The following AQP2 variants were observed in gnomAD, a reference collection of about 807,000 sequenced individuals.
The protein encoded by AQP2 is aquaporin 2, also known as aquaporin-2.
In AQP2, 20 loss-of-function variants were observed where a neutral mutation model predicts 21.6. That is an observed-to-expected ratio of 0.92 (90% CI 0.65 to 1.34). The LOEUF is 1.34. Ranked by LOEUF, AQP2 falls within the 40% of genes most tolerant of loss-of-function variation. The probability of loss-of-function intolerance (pLI) is 0.00; values close to 1 mark genes in which losing one functional copy is unlikely to be tolerated. For missense variants in AQP2, 325 were observed against 363.4 expected (o/e 0.89, Z 0.86); for synonymous variants, 168 against 166.9 (o/e 1.01, Z -0.05).
rs267603499 is a variant in AQP2, at chr12:49,951,075, C to T, written c.245C>T (p.Ser82Phe). The T allele has an allele frequency of 6.2e-7, 1 of 1,611,760 alleles. No individual in the cohort carries two copies. Among genetic ancestry groups the T allele is most frequent in the Non-Finnish European group, 8.5e-7 (1 of 1,178,268 alleles). The change falls in exon 1 of 4, where the codon TCC (serine) becomes TTC (phenylalanine). Residue 82 changes from serine (S) to phenylalanine (F), a missense_variant. Transcript: ENST00000199280. ...GCCTGCCTGGTGGGCTGCCACGTCT[C>T]CGTTCTCCGAGCCGCCTTCTACGTG... ...TVACLVGCHV[S>F]VLRAAFYVAA...
At position 49,955,390 on chromosome 12, in the gene AQP2, C is replaced by T. The variant is rs543609250; in HGVS notation, c.607-9C>T. On this transcript the variant is annotated splice_polypyrimidine_tract_variant and intron_variant, in intron 3 of 3. Coordinates refer to ENST00000199280, the MANE Select transcript of AQP2 (RefSeq NM_000486.6). ...CGGGTGCCAAGCCGCCCTCTCCGCT[C>T]GCCCCCAGGTCTTCTGGATCGGACC... The T allele has an allele frequency of 1.9e-6, 3 of 1,610,690 alleles. No individual in the cohort carries two copies. Among genetic ancestry groups the T allele is most frequent in the Admixed American group, 1.7e-5 (1 of 59,940 alleles).
chr12:49,952,255 C>T (rs993683282), intron 1 of AQP2, among the ~76,000 whole-genome samples: 2 of 152,072 alleles, frequency 1.3e-5, no homozygotes, highest in African/African-American at 2.4e-5. Context: ...CATGGGATTA[C>T]ACGCCTGTAA....
rs1354952791 is a variant in AQP2 at position 49,950,973 on chromosome 12, TTGG to T, written c.144_146del (p.Gly49del). The T allele has an allele frequency of 1.2e-6, 2 of 1,614,204 alleles. No homozygotes were observed. Among genetic ancestry groups the T allele is most frequent in the Non-Finnish European group, 1.7e-6 (2 of 1,180,032 alleles). ...TCTGTGCTACAGATTGCCATGGCGTTTGGCTTGGGTATTGGCACCCTGGTACAG... is the reference window on the plus strand; with the variant it reads ...TCTGTGCTACAGATTGCCATGGCGTTCTTGGGTATTGGCACCCTGGTACAG... On this transcript the variant is annotated inframe_deletion, in exon 1 of 4. Coordinates refer to ENST00000199280, the MANE Select transcript of AQP2 (RefSeq NM_000486.6).
intron 1 of AQP2, among the ~76,000 whole-genome samples, chr12:49,953,347 G>C (rs1401224919): frequency 6.6e-6 from 1 of 152,216 alleles, no homozygotes; most frequent in Non-Finnish European, 1.5e-5. Context: ...GCAGGGTGTA[G>C]GGTACAGGGT....
At chr12:49,954,408 C>T in intron 2 of AQP2, 89 bp downstream of exon 2, 1 of 1,433,822 alleles carries the variant, frequency 7.0e-7, no homozygotes, top group Non-Finnish European at 9.6e-7. Context: ...AAGAGGGACA[C>T]ATACACAGAA....
chr12:49,954,803 G>A (rs1444067560), intron 3 of AQP2, 93 bp downstream of exon 3: 5 of 1,426,156 alleles, frequency 3.5e-6, no homozygotes, highest in Non-Finnish European at 4.9e-6. Flanking sequence ...GGGCTCAGCA[G>A]CGGTACCCCA....
intron 2 of AQP2, 97 bp downstream of exon 2, chr12:49,954,416 G>GAACTCTCA: frequency 2.9e-6 from 4 of 1,396,398 alleles, no homozygotes; most frequent in Non-Finnish European, 4.0e-6. Context: ...CACATACACA[G>GAACTCTCA]AACTCTCAAG....
In AQP2 at chr12:49,957,725, G is replaced by A. The variant is rs1947383000; in HGVS notation, c.*2117G>A. ...GCCTCACTACCAGAAGAAGGGTGGA[G>A]TCAGAAACCAAAGTGACCTCCAGAG... is the stretch of plus-strand genomic sequence containing the variant. On this transcript the variant is annotated 3_prime_UTR_variant, in exon 4 of 4. Transcript: ENST00000199280. The A allele has an allele frequency of 6.6e-6, 1 of 152,264 alleles. No individual in the cohort carries two copies. The highest frequency in any genetic ancestry group is 6.5e-5 in the Admixed American group (1 of 15,288). 9.4% of individuals were successfully genotyped at this position (152,264 alleles called of 1,614,324 possible).
rs1947362068 is a variant in AQP2, at chr12:49,955,568, T to C, written c.776T>C (p.Leu259Pro). 6.3e-7 allele frequency: 1 copy of C among 1,593,752 alleles called. No homozygotes were observed. Among genetic ancestry groups the C allele is most frequent in the Non-Finnish European group, 8.5e-7 (1 of 1,173,510 alleles). ...REVRRRQSVELHSPQSLPRGT... is the reference protein window; with the variant it reads ...REVRRRQSVEPHSPQSLPRGT... ...GTGCGACGGCGGCAGTCGGTGGAGC[T>C]GCACTCGCCGCAGAGCCTGCCACGG... The change falls in exon 4 of 4, where the codon CTG becomes CCG. Residue 259 changes from leucine to proline, a missense_variant. Leu to Pro is a moderately conservative substitution (Grantham distance 98, BLOSUM62 -3). Coordinates refer to ENST00000199280, the MANE Select transcript of AQP2 (RefSeq NM_000486.6).
At position 49,951,646 on chromosome 12, in the gene AQP2, G is replaced by A. The variant is rs150870008; in HGVS notation, c.360+456G>A. 1.1e-3 allele frequency: 188 copies of A among 165,936 alleles called. 3 individuals carry two copies. In the East Asian group the frequency reaches 0.027, roughly 24 times the overall value. 10.3% of individuals were successfully genotyped at this position (165,936 alleles called of 1,614,324 possible). A position where few individuals can be genotyped will look rare whatever the true frequency, so the allele number is the denominator to read the frequency against. On this transcript the variant is annotated intron_variant, in intron 1 of 3. Coordinates refer to ENST00000199280, the MANE Select transcript of AQP2 (RefSeq NM_000486.6). ...GTCCCGTGGCAGGTGCTCCTTACAG[G>A]CCAGGCACGGACACACCACAGCCCT...
In AQP2 at chr12:49,957,962, A is replaced by G. The variant is rs1592818243; in HGVS notation, c.*2354A>G. 1 of 152,116 alleles carries G rather than the reference A, an allele frequency of 6.6e-6. No homozygotes were observed. The highest frequency in any genetic ancestry group is 2.4e-5 in the African/African-American group (1 of 41,410). The allele number at this position is 152,116 out of a possible 1,614,324, so 9.4% of individuals were successfully genotyped here. A position where few individuals can be genotyped will look rare whatever the true frequency, so the allele number is the denominator to read the frequency against. ...AAAAACTAAATGTGAAATCCCTACC[A>G]TTTCTAGCCTCTATTGCCCAGATTG... On this transcript the variant is annotated 3_prime_UTR_variant, in exon 4 of 4. Transcript: ENST00000199280.
Position 49,954,661 on chromosome 12 carries a change from C to T in AQP2, c.557C>T (p.Ala186Val), listed in dbSNP as rs1947353588. 1.2e-6 allele frequency: 2 copies of T among 1,614,106 alleles called. No homozygotes were observed. Among genetic ancestry groups the T allele is most frequent in the South Asian group, 2.2e-5 (2 of 91,090 alleles). ...TACACCGGCTGCTCTATGAATCCTG[C>T]CCGCTCCCTGGCTCCAGCTGTCGTC... is the stretch of plus-strand genomic sequence containing the variant. ...IHYTGCSMNP[A>V]RSLAPAVVTG... Residue 186 changes from alanine (A) to valine (V), a missense_variant, in exon 3 of 4, where the codon GCC becomes GTC. Transcript: ENST00000199280.
rs751496874 is a variant in AQP2, at chr12:49,955,380, C to T, written c.607-19C>T. 54 of 1,609,338 alleles carry T rather than the reference C, an allele frequency of 3.4e-5. No homozygotes were observed. Among genetic ancestry groups the T allele is most frequent in the Non-Finnish European group, 4.2e-5 (49 of 1,177,978 alleles). On this transcript the variant is annotated intron_variant, in intron 3 of 3. Coordinates refer to ENST00000199280, the MANE Select transcript of AQP2 (RefSeq NM_000486.6). ...GGTGCCGGCGCGGGTGCCAAGCCGC[C>T]CTCTCCGCTCGCCCCCAGGTCTTCT...
At chr12:49,955,252 G>A (rs1197566928) in intron 3 of AQP2, 147 bp from the exon 4 acceptor site, 4 of 893,676 alleles carry the variant, frequency 4.5e-6, no homozygotes, top group East Asian at 5.3e-5. Flanking sequence ...AGCAGCTGGC[G>A]TTGTCGTTGT....
chr12:49,957,550 A>C lies in AQP2; in HGVS notation c.*1942A>C, dbSNP rs1947381417. ...ATCCAAGAAAGACAGTGTATAAGGA[A>C]CATCTCTGTAATTGTGTCCCCTCTC... is the stretch of plus-strand genomic sequence containing the variant. On this transcript the variant is annotated 3_prime_UTR_variant, in exon 4 of 4. Coordinates refer to ENST00000199280, the MANE Select transcript of AQP2 (RefSeq NM_000486.6). 6.6e-6 allele frequency: 1 copy of C among 152,202 alleles called. No individual in the cohort carries two copies. Among genetic ancestry groups the C allele is most frequent in the Non-Finnish European group, 1.5e-5 (1 of 68,074 alleles). 9.4% of individuals were successfully genotyped at this position (152,202 alleles called of 1,614,324 possible). A position where few individuals can be genotyped will look rare whatever the true frequency, so the allele number is the denominator to read the frequency against.
At chr12:49,951,231 T>C (rs1356176173) in intron 1 of AQP2, 41 bp downstream of exon 1, 2 of 1,575,466 alleles carry the variant, frequency 1.3e-6, no homozygotes, top group Admixed American at 3.6e-5. Flanking sequence ...GGGCAGGTCC[T>C]GGGGAATCCC....
Position 49,955,700 on chromosome 12 carries a change from G to A in AQP2, c.*92G>A, listed in dbSNP as rs1947364390. On this transcript the variant is annotated 3_prime_UTR_variant, in exon 4 of 4. Coordinates refer to ENST00000199280, the MANE Select transcript of AQP2 (RefSeq NM_000486.6). Reference sequence around the variant, plus strand: ...GTCCCTCCTCTCCCGCAGGTCTGAAGTTGGCCCCCCAGCGCAGAGTAGCTG... The same window carrying A: ...GTCCCTCCTCTCCCGCAGGTCTGAAATTGGCCCCCCAGCGCAGAGTAGCTG... 11 of 1,454,910 alleles carry A rather than the reference G, an allele frequency of 7.6e-6. No homozygotes were observed. The South Asian group carries it at 1.2e-4, about 16-fold the overall frequency. 90.1% of individuals were successfully genotyped at this position (1,454,910 alleles called of 1,614,324 possible). A position where few individuals can be genotyped will look rare whatever the true frequency, so the allele number is the denominator to read the frequency against.
intron 1 of AQP2, chr12:49,951,398 A>G (rs1020106777): frequency 5.0e-5 from 36 of 720,420 alleles, no homozygotes; most frequent in Non-Finnish European, 3.0e-5. Flanking sequence ...ATGCAGACAG[A>G]CTGCTGGCTT....
chr12:49,952,530 G>C (rs929174454), intron 1 of AQP2, among the ~76,000 whole-genome samples: 1 of 152,220 alleles, frequency 6.6e-6, no homozygotes, highest in Non-Finnish European at 1.5e-5. Context: ...TTTGCAGCAA[G>C]AAGAGGTCCA....
Sources: allele counts gnomAD v4.1 joint callset (sites outside exome capture counted in the v4.1 genomes callset), GRCh38; gene constraint gnomAD v4.1.1; transcripts MANE v1.5; gene names NCBI Gene and HGNC (gene_info 2026-07-23, HGNC 2026-07-21).